Variants in RPAP2 observed in about 807,000 individuals in gnomAD.
The protein encoded by RPAP2 is putative RNA polymerase II subunit B1 CTD phosphatase RPAP2.
In RPAP2, 52 loss-of-function variants were observed where a neutral mutation model predicts 73.1. The observed-to-expected ratio is 0.71, with a 90% confidence interval of 0.57 to 0.90. The LOEUF (loss-of-function observed/expected upper bound fraction) is 0.90. RPAP2 is among the 40% of genes least tolerant of loss of function. The pLI is 0.00. For missense variants in RPAP2, 598 were observed against 701.8 expected (o/e 0.85, Z 1.67); for synonymous variants, 225 against 242.1 (o/e 0.93, Z 0.65).
intron 6 of RPAP2, among the ~76,000 whole-genome samples, chr1:92,310,182 T>A (rs144654399): frequency 1.3e-5 from 2 of 152,354 alleles, no homozygotes; most frequent in East Asian, 3.9e-4. Context: ...CTTGTCAGTG[T>A]ATAACCATAT....
chr1:92,391,308 G>T lies in RPAP2; in HGVS notation c.*4297G>T, dbSNP rs1000123636. The T allele has an allele frequency of 6.6e-6, 1 of 152,108 alleles. No individual in the cohort carries two copies. The highest frequency in any genetic ancestry group is 1.9e-4 in the East Asian group (1 of 5,196). 9.4% of individuals were successfully genotyped at this position (152,108 alleles called of 1,614,324 possible). A position where few individuals can be genotyped will look rare whatever the true frequency, so the allele number is the denominator to read the frequency against. The stretch of plus-strand genomic sequence containing the variant: ...CTGGGTAAATAACGAAATGAAGGCA[G>T]AAATAAAGATGTTCTTTGGAACCAA... On this transcript the variant is annotated 3_prime_UTR_variant, in exon 13 of 13. Transcript: ENST00000610020.
intron 12 of RPAP2, among the ~76,000 whole-genome samples, chr1:92,384,999 C>CA (rs1381332673): frequency 3.3e-5 from 5 of 151,302 alleles, no homozygotes; most frequent in African/African-American, 4.9e-5. Context: ...CCTGTCTCTA[C>CA]AAAAAATAAA....
intron 12 of RPAP2, among the ~76,000 whole-genome samples, chr1:92,384,440 A>C (rs1655779869): frequency 6.7e-6 from 1 of 150,282 alleles, no homozygotes; most frequent in Non-Finnish European, 1.5e-5. Context: ...CCTGGCCAAC[A>C]TGGTGAAACC....
At chr1:92,374,290 C>CA (rs1312460821) in intron 11 of RPAP2, among the ~76,000 whole-genome samples, 3 of 152,272 alleles carry the variant, frequency 2.0e-5, no homozygotes, top group Admixed American at 6.5e-5. Context: ...GAAGAGAACA[C>CA]AGAAGAGCCT....
At chr1:92,341,899 T>C (rs1653613392) in intron 10 of RPAP2, among the ~76,000 whole-genome samples, 1 of 152,240 alleles carries the variant, frequency 6.6e-6, no homozygotes, top group African/African-American at 2.4e-5. Context: ...TGCCTTGGCC[T>C]CCCAACGTGC....
chr1:92,314,207 T>C (rs1651768026), intron 6 of RPAP2, among the ~76,000 whole-genome samples: 1 of 152,216 alleles, frequency 6.6e-6, no homozygotes, highest in Non-Finnish European at 1.5e-5. Flanking sequence ...GCTTTTGACA[T>C]GCCTTCCTCA....
chr1:92,344,055 T>A (rs1321154907), intron 10 of RPAP2, among the ~76,000 whole-genome samples: 1 of 152,210 alleles, frequency 6.6e-6, no homozygotes, highest in East Asian at 1.9e-4. Context: ...CTAGTCTTTT[T>A]TTTGTATGTT....
chr1:92,357,884 G>A (rs1310027296), intron 11 of RPAP2, among the ~76,000 whole-genome samples: 1 of 152,182 alleles, frequency 6.6e-6, no homozygotes, highest in East Asian at 1.9e-4. Context: ...GGTAATGAAA[G>A]TCATTTAAAT....
intron 11 of RPAP2, among the ~76,000 whole-genome samples, chr1:92,353,998 C>G (rs1001749929): frequency 6.6e-6 from 1 of 152,102 alleles, no homozygotes; most frequent in Non-Finnish European, 1.5e-5. Flanking sequence ...GTGTCTCCAA[C>G]TTCAGGCCAT....
chr1:92,305,006 G>C (rs1168436562), intron 5 of RPAP2, among the ~76,000 whole-genome samples: 1 of 151,956 alleles, frequency 6.6e-6, no homozygotes, highest in Non-Finnish European at 1.5e-5. Flanking sequence ...GTGGTGGTAC[G>C]CACCTGTAGT....
At chr1:92,384,022 C>T (rs975040145) in intron 12 of RPAP2, among the ~76,000 whole-genome samples, 30 of 150,772 alleles carry the variant, frequency 2.0e-4, no homozygotes, top group Non-Finnish European at 7.4e-5. Flanking sequence ...TGCAGTGGTG[C>T]AATCTCAGCT....
At chr1:92,357,446 A>G (rs1654532022) in intron 11 of RPAP2, among the ~76,000 whole-genome samples, 1 of 152,252 alleles carries the variant, frequency 6.6e-6, no homozygotes, top group South Asian at 2.1e-4. Context: ...AATAGAACAG[A>G]TGAGAGTATT....
chr1:92,306,441 C>CA (rs531930601), intron 5 of RPAP2, among the ~76,000 whole-genome samples: 283 of 151,984 alleles, frequency 1.9e-3, no homozygotes, highest in African/African-American at 6.4e-3. Context: ...GTAGTGATAG[C>CA]AAAAAAATTA....
rs866878560 is a variant in RPAP2, at chr1:92,398,427, T to G, written c.*11416T>G. The G allele has an allele frequency of 1.3e-5, 2 of 152,212 alleles. No homozygotes were observed. The highest frequency in any genetic ancestry group is 4.8e-5 in the African/African-American group (2 of 41,450). 9.4% of individuals were successfully genotyped at this position (152,212 alleles called of 1,614,324 possible). A position where few individuals can be genotyped will look rare whatever the true frequency, so the allele number is the denominator to read the frequency against. ...GCTTATAGTCATGTCCAAAAACCAG[T>G]TGATCTTCCTACTCATTAGGGGACA... On this transcript the variant is annotated 3_prime_UTR_variant, in exon 13 of 13. Coordinates refer to ENST00000610020, the MANE Select transcript of RPAP2 (RefSeq NM_024813.3).
At chr1:92,370,345 A>G (rs1237998515) in intron 11 of RPAP2, among the ~76,000 whole-genome samples, 3 of 152,228 alleles carry the variant, frequency 2.0e-5, no homozygotes, top group African/African-American at 4.8e-5. Flanking sequence ...GCAAACACCA[A>G]TCCCAATAGG....
intron 11 of RPAP2, among the ~76,000 whole-genome samples, chr1:92,374,889 A>G (rs989904876): frequency 1.3e-5 from 2 of 152,150 alleles, no homozygotes; most frequent in Non-Finnish European, 2.9e-5. Context: ...TGATGGGTGC[A>G]CCAGAATCTC....
At chr1:92,335,510 G>A (rs1331294642) in intron 9 of RPAP2, among the ~76,000 whole-genome samples, 2 of 151,988 alleles carry the variant, frequency 1.3e-5, no homozygotes, top group Non-Finnish European at 2.9e-5. Flanking sequence ...ATATTTTGAT[G>A]TATATCCCTG....
At chr1:92,329,857 G>A (rs956412380) in intron 8 of RPAP2, among the ~76,000 whole-genome samples, 1 of 152,140 alleles carries the variant, frequency 6.6e-6, no homozygotes, top group Non-Finnish European at 1.5e-5. Context: ...GTATGAATTG[G>A]TCATGGTCTC....
chr1:92,309,574 TACATATACATACACATAC>T (rs1243959100), intron 6 of RPAP2, among the ~76,000 whole-genome samples: 54 of 9,816 alleles, frequency 5.5e-3, no homozygotes, highest in African/African-American at 0.023. Context: ...CATACACATA[TACATATACATACACATAC>T]ACATACACAT....
Sources: gnomAD v4.1 joint callset for allele counts (sites outside exome capture counted in the v4.1 genomes callset) on GRCh38, gnomAD v4.1.1 for gene constraint, MANE v1.5 for transcripts, NCBI Gene and HGNC (gene_info 2026-07-23, HGNC 2026-07-21) for gene names.